Variants in RPTOR observed in about 807,000 individuals in gnomAD.
RPTOR encodes the protein regulatory associated protein of MTOR complex 1, also known as regulatory-associated protein of mTOR.
In RPTOR, 21 loss-of-function variants were observed where a neutral mutation model predicts 169.9. The ratio of observed to expected loss-of-function variants is 0.12; its 90% CI spans 0.09 to 0.18. RPTOR has a LOEUF of 0.18. Among genes scored for constraint, RPTOR ranks in the 10% least tolerant of loss-of-function variants. The probability of loss-of-function intolerance (pLI) is 1.00; values close to 1 mark genes in which losing one functional copy is unlikely to be tolerated. For missense variants in RPTOR, 1,133 were observed against 1,855.9 expected (o/e 0.61, Z 7.16); for synonymous variants, 732 against 753.2 (o/e 0.97, Z 0.46).
chr17:80,960,147 G>T lies in RPTOR; in HGVS notation c.3547G>T (p.Ala1183Ser), dbSNP rs774186171. 1 of 1,613,658 alleles carries T rather than the reference G, an allele frequency of 6.2e-7. No individual in the cohort carries two copies. The part of the protein sequence containing the change: ...SCDSHRSLIV[A>S]GLGDGSIRVY... The stretch of plus-strand genomic sequence containing the variant: ...TGATTCCCACCGCTCACTCATCGTG[G>T]CTGGCCTCGGTGACGGCTCCATCCG... The change falls in exon 30 of 34, where the codon GCT becomes TCT. Residue 1183 changes from alanine (A) to serine (S), a missense_variant. Ala to Ser is a moderately conservative substitution (Grantham distance 99). Coordinates refer to ENST00000306801, the MANE Select transcript of RPTOR (RefSeq NM_020761.3). The surrounding 1 kb of genome is among the most constrained non-coding windows in gnomAD (Gnocchi z 4.8).
rs949392712 is a variant in RPTOR at position 80,861,966 on chromosome 17, C to T, written c.1509+4066C>T. ...CTTGTTTAAAACTGGCTCTTGGTCCCGTGGATCTCCCAGGGCCTGTTGCTC... is the reference window on the plus strand; with the variant it reads ...CTTGTTTAAAACTGGCTCTTGGTCCTGTGGATCTCCCAGGGCCTGTTGCTC... On this transcript the variant is annotated intron_variant, in intron 13 of 33. Transcript: ENST00000306801. The surrounding 1 kb of genome is among the most constrained non-coding windows in gnomAD (Gnocchi z 4.5). Among the ~76,000 whole-genome samples the T allele has an allele frequency of 3.9e-5, 6 of 152,166 alleles. No individual in the cohort carries two copies. The highest frequency in any genetic ancestry group is 1.9e-4 in the East Asian group (1 of 5,196).
chr17:80,904,125 C>T (rs547062472), intron 20 of RPTOR, among the ~76,000 whole-genome samples: 10 of 152,274 alleles, frequency 6.6e-5, no homozygotes, highest in East Asian at 3.9e-4. Context: ...GCAGGGCCCA[C>T]GGCTCCGGCC....
rs974415911 is a variant in RPTOR, at chr17:80,947,399, G to A, written c.3265+48G>A. ...GGATTGGAAGCCAGGGTCTGGAGGAGTGGCGGGGAGGGTGTGTGATCCTGA... is the reference window on the plus strand; with the variant it reads ...GGATTGGAAGCCAGGGTCTGGAGGAATGGCGGGGAGGGTGTGTGATCCTGA... On this transcript the variant is annotated intron_variant, in intron 27 of 33. Coordinates refer to ENST00000306801, the MANE Select transcript of RPTOR (RefSeq NM_020761.3). This position sits in a 1 kb window ranked among gnomAD's most constrained non-coding sequence, Gnocchi z 4.4. The A allele has an allele frequency of 6.7e-7, 1 of 1,490,586 alleles. No individual in the cohort carries two copies. Among genetic ancestry groups the A allele is most frequent in the African/African-American group, 1.4e-5 (1 of 69,970 alleles). The allele number at this position is 1,490,586 out of a possible 1,614,324, so 92.3% of individuals were successfully genotyped here.
Position 80,861,785 on chromosome 17 carries a change from C to T in RPTOR, c.1509+3885C>T, listed in dbSNP as rs1026816548. Among the ~76,000 whole-genome samples, 6 of 152,124 alleles carry T rather than the reference C, an allele frequency of 3.9e-5. No homozygotes were observed. The highest frequency in any genetic ancestry group is 2.1e-4 in the South Asian group (1 of 4,820). ...TAAGCCAACTTTGATTCTCAGACTT[C>T]GTGTTTTTAGTACCTTTTAGGACCT... On this transcript the variant is annotated intron_variant, in intron 13 of 33. Transcript: ENST00000306801. The surrounding 1 kb of genome is among the most constrained non-coding windows in gnomAD (Gnocchi z 4.5).
intron 24 of RPTOR, among the ~76,000 whole-genome samples, chr17:80,927,835 C>G (rs1349989172): frequency 1.3e-5 from 2 of 151,930 alleles, no homozygotes; most frequent in Non-Finnish European, 2.9e-5. Context: ...TCCGCCTGCC[C>G]TCATCTCCTC....
chr17:80,837,074 G>A (rs1438876536), intron 9 of RPTOR, among the ~76,000 whole-genome samples: 1 of 152,286 alleles, frequency 6.6e-6, no homozygotes, highest in Non-Finnish European at 1.5e-5. Flanking sequence ...CGGGGAGGAG[G>A]CTGTCTCACG....
intron 3 of RPTOR, among the ~76,000 whole-genome samples, chr17:80,667,678 G>A (rs1050459629): frequency 2.6e-5 from 4 of 152,154 alleles, no homozygotes; most frequent in Non-Finnish European, 1.5e-5. Flanking sequence ...GTTGACACAC[G>A]GGAGAGAATG....
intron 13 of RPTOR, among the ~76,000 whole-genome samples, chr17:80,863,037 G>A (rs1253315334): frequency 7.2e-5 from 11 of 152,196 alleles, no homozygotes; most frequent in Non-Finnish European, 1.0e-4. Context: ...GGGGCACACC[G>A]TGTGTCCCAT....
intron 1 of RPTOR, among the ~76,000 whole-genome samples, chr17:80,591,400 A>G (rs1314883921): frequency 1.6e-5 from 2 of 122,902 alleles, no homozygotes; most frequent in Non-Finnish European, 1.6e-5. Context: ...TTTTTTGGAG[A>G]TGGAGTGTTG....
chr17:80,583,674 G>A (rs1043664264), intron 1 of RPTOR, among the ~76,000 whole-genome samples: 2 of 152,200 alleles, frequency 1.3e-5, no homozygotes, highest in Non-Finnish European at 2.9e-5. Context: ...TCCCAACCCG[G>A]TAGTGAAGGG....
At chr17:80,940,950 C>T (rs994644355) in intron 25 of RPTOR, among the ~76,000 whole-genome samples, 1 of 152,178 alleles carries the variant, frequency 6.6e-6, no homozygotes, top group African/African-American at 2.4e-5. Context: ...CTCATGGAGG[C>T]GGAACTTTGC....
intron 5 of RPTOR, chr17:80,743,152 G>GT (rs1410775859): frequency 2.3e-6 from 2 of 861,194 alleles, no homozygotes; most frequent in African/African-American, 3.7e-5. Context: ...TCTCCTCCTT[G>GT]TTAACAGAAT....
intron 3 of RPTOR, among the ~76,000 whole-genome samples, chr17:80,694,798 T>C (rs1398282913): frequency 2.6e-5 from 4 of 152,222 alleles, no homozygotes; most frequent in African/African-American, 9.6e-5. Context: ...TGGCGGTTCC[T>C]GGCTTCACTG....
chr17:80,652,822 C>T (rs1199022043), intron 3 of RPTOR, among the ~76,000 whole-genome samples: 1 of 152,248 alleles, frequency 6.6e-6, no homozygotes, highest in Non-Finnish European at 1.5e-5. Flanking sequence ...CTATTTTCCA[C>T]AGTGGCTGTA....
chr17:80,835,448 A>G (rs2067553156), intron 9 of RPTOR, among the ~76,000 whole-genome samples: 1 of 152,204 alleles, frequency 6.6e-6, no homozygotes, highest in Non-Finnish European at 1.5e-5. Context: ...TATACTGATC[A>G]TCACTCGGTT....
At chr17:80,805,386 G>GC (rs2067208573) in intron 7 of RPTOR, 1 of 152,356 alleles carries the variant, frequency 6.6e-6, no homozygotes. Context: ...GGCGGCCAGT[G>GC]CCTCCGGAGG....
At chr17:80,954,992 C>T (rs7225525) in intron 28 of RPTOR, among the ~76,000 whole-genome samples, 50,988 of 152,058 alleles carry the variant, frequency 0.34, 9,872 homozygotes, top group East Asian at 0.55. Context: ...GGAATGAATC[C>T]AACAAATGCA....
chr17:80,658,955 G>C (rs914397272), intron 3 of RPTOR, among the ~76,000 whole-genome samples: 3 of 152,166 alleles, frequency 2.0e-5, no homozygotes, highest in Non-Finnish European at 4.4e-5. Flanking sequence ...GAAATGGGGG[G>C]TGTGTGTTGC....
intron 3 of RPTOR, among the ~76,000 whole-genome samples, chr17:80,691,988 A>C (rs2065996057): frequency 6.6e-6 from 1 of 152,250 alleles, no homozygotes; most frequent in Non-Finnish European, 1.5e-5. Context: ...TGGCAGTTTC[A>C]GAAAGCAACA....
Sources: allele counts gnomAD v4.1 joint callset (sites outside exome capture counted in the v4.1 genomes callset), GRCh38; gene constraint gnomAD v4.1.1; non-coding constraint Gnocchi (gnomAD v3.1); transcripts MANE v1.5; gene names NCBI Gene and HGNC (gene_info 2026-07-23, HGNC 2026-07-21).